The following INVS variants were observed in gnomAD, a reference collection of about 807,000 sequenced individuals.
The protein encoded by INVS is inversin.
INVS carries 86 observed loss-of-function variants against 108.8 expected under a neutral mutation model. The ratio of observed to expected loss-of-function variants is 0.79; its 90% CI spans 0.66 to 0.95. The LOEUF (loss-of-function observed/expected upper bound fraction) is 0.95, where lower values mean the gene tolerates loss of function less well. Among genes scored for constraint, INVS ranks in the 40% least tolerant of loss-of-function variants. The pLI, the probability that INVS is intolerant of heterozygous loss-of-function variation, is 0.00. For synonymous variants in INVS, 455 were observed against 473.5 expected, an observed-to-expected ratio of 0.96 and a Z score of 0.51; for missense variants, 1,169 against 1,297.4, an observed-to-expected ratio of 0.90 and a Z score of 1.52.
intron 11 of INVS, 101 bp from the exon 12 acceptor site, chr9:100,272,763 G>C (rs1832994517): frequency 5.4e-6 from 6 of 1,112,664 alleles, no homozygotes; most frequent in Non-Finnish European, 8.1e-6. Flanking sequence ...CCACATCTTA[G>C]AATGAAGTTT....
intron 10 of INVS, among the ~76,000 whole-genome samples, chr9:100,259,419 C>T (rs1014351233): frequency 1.3e-5 from 2 of 152,168 alleles, no homozygotes; most frequent in Non-Finnish European, 2.9e-5. Flanking sequence ...CCATGGGCCA[C>T]ACCCACTGTC....
At chr9:100,254,209 G>A (rs976194529) in intron 10 of INVS, among the ~76,000 whole-genome samples, 2 of 152,210 alleles carry the variant, frequency 1.3e-5, no homozygotes, top group African/African-American at 4.8e-5. Context: ...CTGTATAAAT[G>A]TCTTCTTTAG....
At chr9:100,204,520 G>A (rs1830621691) in intron 3 of INVS, among the ~76,000 whole-genome samples, 1 of 152,118 alleles carries the variant, frequency 6.6e-6, no homozygotes, top group South Asian at 2.1e-4. Flanking sequence ...AACAGTTCAA[G>A]TATGTGCAAA....
At chr9:100,172,420 A>G (rs1023092627) in intron 3 of INVS, among the ~76,000 whole-genome samples, 11 of 152,190 alleles carry the variant, frequency 7.2e-5, no homozygotes, top group Admixed American at 7.2e-4. Context: ...AATATCTAAC[A>G]TACTTGGATC....
At chr9:100,129,175 A>T (rs1827975158) in intron 3 of INVS, among the ~76,000 whole-genome samples, 1 of 151,298 alleles carries the variant, frequency 6.6e-6, no homozygotes, top group African/African-American at 2.4e-5. Context: ...ATTTTATTTA[A>T]TATTATAATT....
chr9:100,212,752 G>A (rs1338249125), intron 3 of INVS, among the ~76,000 whole-genome samples: 1 of 151,934 alleles, frequency 6.6e-6, no homozygotes, highest in East Asian at 1.9e-4. Flanking sequence ...CCCCCTTACT[G>A]CTCTGCTTGC....
At chr9:100,148,593 T>A (rs1828705555) in intron 3 of INVS, among the ~76,000 whole-genome samples, 1 of 152,202 alleles carries the variant, frequency 6.6e-6, no homozygotes, top group Non-Finnish European at 1.5e-5. Context: ...CAGCAACATT[T>A]AAACAGCTGA....
At chr9:100,102,288 G>A (rs1208822767) in intron 1 of INVS, among the ~76,000 whole-genome samples, 1 of 151,910 alleles carries the variant, frequency 6.6e-6, no homozygotes, top group Non-Finnish European at 1.5e-5. Flanking sequence ...TAGTAGGGAC[G>A]GGGTTTCACC....
intron 8 of INVS, among the ~76,000 whole-genome samples, chr9:100,252,009 G>T (rs1011830077): frequency 1.3e-5 from 2 of 152,124 alleles, no homozygotes; most frequent in African/African-American, 2.4e-5. Flanking sequence ...AAAACTAGTA[G>T]CTGAGAAGAG....
intron 14 of INVS, among the ~76,000 whole-genome samples, chr9:100,293,653 GT>G (rs1833697239): frequency 6.6e-6 from 1 of 152,216 alleles, no homozygotes; most frequent in Admixed American, 6.5e-5. Context: ...GGCACTGGGA[GT>G]GGGGGTGAAG....
In INVS at chr9:100,104,619, T is replaced by C; in HGVS notation, c.98T>C (p.Leu33Pro). The C allele has an allele frequency of 6.2e-7, 1 of 1,610,382 alleles. No homozygotes were observed. The highest frequency in any genetic ancestry group is 8.5e-7 in the Non-Finnish European group (1 of 1,176,510). ...GGAGATAAGGGTGCTCTACAGAGGC[T>C]CATCGTAGGTAAGCAGTCCCCTTAA... ...VNGDKGALQR[L>P]IVGNSALKDK... is the part of the protein sequence containing the mutation. Residue 33 changes from leucine to proline, a missense_variant, in exon 2 of 17, where the codon CTC becomes CCC. By Grantham distance (98) the Leu-to-Pro change is moderately conservative. Around this residue, in one of 3 missense-constraint regions of INVS, gnomAD observed 365 missense variants for 397.5 expected, o/e 0.92. Coordinates refer to ENST00000262457, the MANE Select transcript of INVS (RefSeq NM_014425.5).
intron 12 of INVS, among the ~76,000 whole-genome samples, chr9:100,281,872 G>C (rs1022024724): frequency 6.6e-6 from 1 of 152,292 alleles, no homozygotes; most frequent in African/African-American, 2.4e-5. Context: ...AAGGTTTGCA[G>C]TGATAAGGTT....
At chr9:100,299,944 A>AGGTTT (rs1833914377) in intron 16 of INVS, among the ~76,000 whole-genome samples, 1 of 152,232 alleles carries the variant, frequency 6.6e-6, no homozygotes, top group Admixed American at 6.5e-5. Context: ...TACTTTTAAA[A>AGGTTT]ACTACTAAAC....
chr9:100,248,611 G>C (rs1832123080), intron 8 of INVS, among the ~76,000 whole-genome samples: 1 of 152,070 alleles, frequency 6.6e-6, no homozygotes, highest in Non-Finnish European at 1.5e-5. Context: ...GAACATTATA[G>C]AATTTCTATT....
intron 2 of INVS, among the ~76,000 whole-genome samples, chr9:100,116,069 T>C (rs1032646378): frequency 1.3e-5 from 2 of 151,958 alleles, no homozygotes; most frequent in African/African-American, 4.8e-5. Context: ...TTTTTTCATG[T>C]GTCTGTTGGC....
chr9:100,191,485 T>C (rs530854649), intron 3 of INVS, among the ~76,000 whole-genome samples: 4 of 152,332 alleles, frequency 2.6e-5, no homozygotes, highest in Admixed American at 2.6e-4. Flanking sequence ...AACTTTCCTG[T>C]GCATTTTTTA....
intron 13 of INVS, 48 bp from the exon 14 acceptor site, chr9:100,292,278 A>T (rs1272538548): frequency 1.3e-6 from 2 of 1,487,484 alleles, no homozygotes; most frequent in African/African-American, 1.4e-5. Flanking sequence ...TAGGAAAATT[A>T]TCCTACTCTG....
At chr9:100,224,394 A>G (rs1229632130) in intron 3 of INVS, among the ~76,000 whole-genome samples, 1 of 152,190 alleles carries the variant, frequency 6.6e-6, no homozygotes, top group Non-Finnish European at 1.5e-5. Context: ...GAACCTGATC[A>G]GGCAATACTG....
chr9:100,251,818 G>A (rs772654270), intron 8 of INVS, among the ~76,000 whole-genome samples: 1 of 152,218 alleles, frequency 6.6e-6, no homozygotes, highest in Non-Finnish European at 1.5e-5. Context: ...TGAAGGAACA[G>A]TGCATGTAAC....
Sources: allele counts gnomAD v4.1 joint callset (sites outside exome capture counted in the v4.1 genomes callset), GRCh38; gene constraint gnomAD v4.1.1; regional missense constraint gnomAD v4.1.1; transcripts MANE v1.5; gene names NCBI Gene and HGNC (gene_info 2026-07-23, HGNC 2026-07-21).